Variants in NMNAT1 observed in about 807,000 individuals in gnomAD.
NMNAT1 encodes nicotinamide/nicotinic acid mononucleotide adenylyltransferase 1.
A neutral mutation model predicts 16.7 loss-of-function variants in NMNAT1; 11 were observed. The ratio of observed to expected loss-of-function variants is 0.66; its 90% CI spans 0.41 to 1.09. The LOEUF (loss-of-function observed/expected upper bound fraction) is 1.09, where lower values mean the gene tolerates loss of function less well. Ranked by LOEUF, NMNAT1 falls within the 50% of genes least tolerant of loss-of-function variation. The pLI, the probability that NMNAT1 is intolerant of heterozygous loss-of-function variation, is 0.00. For missense variants in NMNAT1, 280 were observed against 332.3 expected (o/e 0.84, Z 1.22); for synonymous variants, 110 against 119.8 (o/e 0.92, Z 0.53).
chr1:9,989,730 C>T (rs1360731371), downstream of NMNAT1, among the ~76,000 whole-genome samples: 1 of 152,176 alleles, frequency 6.6e-6, no homozygotes, highest in East Asian at 1.9e-4. Flanking sequence ...CTACCTCATT[C>T]CTCCTGGACA....
chr1:9,990,424 A>T (rs1642095109), downstream of NMNAT1, among the ~76,000 whole-genome samples: 1 of 152,168 alleles, frequency 6.6e-6, no homozygotes, highest in Middle Eastern at 3.2e-3. Context: ...AAAATCAAAG[A>T]AACATCTTTT....
rs182004368 is a variant in NMNAT1, at chr1:9,968,229, G to A, written c.-56-3789G>A. Among the ~76,000 whole-genome samples the A allele has an allele frequency of 7.6e-3, 1,145 of 151,266 alleles. 17 individuals are homozygous for A. Among genetic ancestry groups the A allele is most frequent in the African/African-American group, 0.027 (1,103 of 41,366 alleles). On this transcript the variant is annotated intron_variant, in intron 1 of 4. Coordinates refer to ENST00000377205, the MANE Select transcript of NMNAT1 (RefSeq NM_022787.4). ...TGGGACTACAGGTGCCCGCCACCACGCCTGGCTAATTTTTTTGTGTTTTTA... is the reference window on the plus strand; with the variant it reads ...TGGGACTACAGGTGCCCGCCACCACACCTGGCTAATTTTTTTGTGTTTTTA...
rs762655133 is a variant in NMNAT1, at chr1:9,982,460, C to T, written c.599C>T (p.Ser200Leu). 2.8e-5 allele frequency: 46 copies of T among 1,614,112 alleles called. No individual in the cohort carries two copies. Among genetic ancestry groups the T allele is most frequent in the Non-Finnish European group, 3.2e-5 (38 of 1,180,030 alleles). The change falls in exon 5 of 5, where the codon TCG becomes TTG. Residue 200 changes from serine (S) to leucine (L), a missense_variant. Physicochemically the swap from Ser to Leu is moderately radical, Grantham distance 145. Transcript: ENST00000377205. ...GATGCTCAGAAGTTTATCTATGAAT[C>T]GGATGTGCTGTGGAAACACCGGAGC... is the stretch of plus-strand genomic sequence containing the variant. ...GNDAQKFIYESDVLWKHRSNI... is the reference protein window; with the variant it reads ...GNDAQKFIYELDVLWKHRSNI...
rs1641934338 is a variant in NMNAT1, at chr1:9,980,961, T to G, written c.300-70T>G. Reference sequence around the variant, plus strand: ...GTGAGCCACTGTGCCCAGCTATAAATAATGTTAATGATATATTCTAATGGA... The same window carrying G: ...GTGAGCCACTGTGCCCAGCTATAAAGAATGTTAATGATATATTCTAATGGA... On this transcript the variant is annotated intron_variant, in intron 3 of 4. Transcript: ENST00000377205. 6 of 1,515,018 alleles carry G rather than the reference T, an allele frequency of 4.0e-6. No individual in the cohort carries two copies. In the East Asian group the frequency reaches 1.4e-4, roughly 35 times the overall value. 93.8% of individuals were successfully genotyped at this position (1,515,018 alleles called of 1,614,324 possible).
At chr1:9,974,590 G>A (rs935806038) in intron 2 of NMNAT1, among the ~76,000 whole-genome samples, 3 of 151,964 alleles carry the variant, frequency 2.0e-5, no homozygotes, top group South Asian at 2.1e-4. Flanking sequence ...GGGTTTCACC[G>A]TGTTAGCCAG....
At chr1:9,981,585 G>C in intron 4 of NMNAT1, 1 of 160,032 alleles carries the variant, frequency 6.2e-6, no homozygotes, top group Non-Finnish European at 1.4e-5. Context: ...TGGCCAGGTT[G>C]GTCTTGAACT....
At chr1:9,944,289 C>T (rs61227057) in intron 1 of NMNAT1, among the ~76,000 whole-genome samples, 3,553 of 152,088 alleles carry the variant, frequency 0.023, 124 homozygotes, top group East Asian at 0.086. Flanking sequence ...CCTTGGCTGT[C>T]GCGGTGTGAC....
intron 1 of NMNAT1, chr1:9,949,787 C>T (rs925284927): frequency 1.3e-5 from 2 of 151,894 alleles, no homozygotes; most frequent in Non-Finnish European, 2.9e-5. Context: ...AATAAATTGA[C>T]CTTGTTTAAA....
downstream of NMNAT1, among the ~76,000 whole-genome samples, chr1:9,986,326 C>G (rs1022844174): frequency 3.9e-5 from 6 of 152,194 alleles, no homozygotes; most frequent in African/African-American, 1.4e-4. Context: ...TTTTGTTTTG[C>G]TGGAGTCTTT....
intron 1 of NMNAT1, among the ~76,000 whole-genome samples, chr1:9,959,620 G>T (rs1427413637): frequency 6.6e-6 from 1 of 152,102 alleles, no homozygotes; most frequent in African/African-American, 2.4e-5. Flanking sequence ...GGTGGAGGTT[G>T]CAGTGAGCCA....
At chr1:9,960,545 C>G (rs531053757) in intron 1 of NMNAT1, among the ~76,000 whole-genome samples, 2 of 152,118 alleles carry the variant, frequency 1.3e-5, no homozygotes, top group Non-Finnish European at 2.9e-5. Context: ...CAGGCCAAAA[C>G]GCAGTGGCTC....
rs1324278640 is a variant in NMNAT1, at chr1:9,975,587, T to C, written c.116-5T>C. 1.3e-6 allele frequency: 2 copies of C among 1,594,532 alleles called. No individual in the cohort carries two copies. Among genetic ancestry groups the C allele is most frequent in the Non-Finnish European group, 1.7e-6 (2 of 1,171,772 alleles). ...ACCTAGTGTGAAACCTAACTTTTTA[T>C]CTAGGAAGGTACACAGTTGTCAAAG... is the stretch of plus-strand genomic sequence containing the variant. On this transcript the variant is annotated splice_region_variant and splice_polypyrimidine_tract_variant and intron_variant, in intron 2 of 4. Transcript: ENST00000377205.
rs1013649723 is a variant in NMNAT1 at position 9,975,514 on chromosome 1, A to G, written c.116-78A>G. 5.9e-6 allele frequency: 7 copies of G among 1,195,400 alleles called. No homozygotes were observed. The African/African-American group carries it at 6.1e-5, about 10-fold the overall frequency. The allele number at this position is 1,195,400 out of a possible 1,614,324, so 74.0% of individuals were successfully genotyped here. A position where few individuals can be genotyped will look rare whatever the true frequency, so the allele number is the denominator to read the frequency against. ...CTGTCTCAAAAAACAAAACAAAACA[A>G]ATAATATTGATCGTAATATTTCCTG... On this transcript the variant is annotated intron_variant, in intron 2 of 4. Transcript: ENST00000377205.
chr1:9,986,708 C>A (rs1322539137), downstream of NMNAT1, among the ~76,000 whole-genome samples: 1 of 151,972 alleles, frequency 6.6e-6, no homozygotes, highest in Non-Finnish European at 1.5e-5. Flanking sequence ...ATGGCAAAAC[C>A]CTGTCTCTAC....
At chr1:9,951,475 TTG>T (rs1215632841) in intron 1 of NMNAT1, among the ~76,000 whole-genome samples, 7 of 48,368 alleles carry the variant, frequency 1.4e-4, no homozygotes, top group Non-Finnish European at 2.0e-4. Flanking sequence ...GTTGTTGTTG[TTG>T]TTGTTTGTTT....
chr1:9,958,443 G>GTT (rs766788344), intron 1 of NMNAT1, among the ~76,000 whole-genome samples: 9 of 139,668 alleles, frequency 6.4e-5, no homozygotes, highest in Non-Finnish European at 9.4e-5. Flanking sequence ...GTTTTGTTTT[G>GTT]TTTTTTTTTT....
Position 9,972,029 on chromosome 1 carries a change from G to A in NMNAT1, c.-45G>A. The A allele has an allele frequency of 1.1e-6, 1 of 938,150 alleles. No individual in the cohort carries two copies. Among genetic ancestry groups the A allele is most frequent in the Non-Finnish European group, 1.8e-6 (1 of 567,492 alleles). 58.1% of individuals were successfully genotyped at this position (938,150 alleles called of 1,614,324 possible). A position where few individuals can be genotyped will look rare whatever the true frequency, so the allele number is the denominator to read the frequency against. On this transcript the variant is annotated 5_prime_UTR_variant, in exon 2 of 5. Coordinates refer to ENST00000377205, the MANE Select transcript of NMNAT1 (RefSeq NM_022787.4). ...TTTTTCCTTTGTAGACAACAAGGGA[G>A]GTGTCACAGTTTTCCATTTAGATCA...
At chr1:9,965,142 C>A (rs912631576) in intron 1 of NMNAT1, among the ~76,000 whole-genome samples, 26 of 151,010 alleles carry the variant, frequency 1.7e-4, no homozygotes, top group Admixed American at 1.1e-3. Flanking sequence ...CATGGTGAAA[C>A]CCTGTCTCTA....
intron 1 of NMNAT1, among the ~76,000 whole-genome samples, chr1:9,969,768 A>G (rs890555383): frequency 6.6e-6 from 1 of 152,092 alleles, no homozygotes; most frequent in African/African-American, 2.4e-5. Flanking sequence ...TAAATAAATA[A>G]TAGACATTTC....
Sources: gnomAD v4.1 joint callset for allele counts (sites outside exome capture counted in the v4.1 genomes callset) on GRCh38, gnomAD v4.1.1 for gene constraint, MANE v1.5 for transcripts, NCBI Gene and HGNC (gene_info 2026-07-23, HGNC 2026-07-21) for gene names.